RTL4: variants seen among roughly 807,000 people sequenced by gnomAD.
The protein encoded by RTL4 is retrotransposon Gag-like protein 4.
Under a neutral mutation model 5.3 loss-of-function variants are expected in RTL4, and 4 were observed. The observed-to-expected ratio is 0.75, with a 90% confidence interval of 0.37 to 1.72. The LOEUF is 1.72. Among genes scored for constraint, RTL4 ranks in the 40% most tolerant of loss-of-function variants. The pLI is 0.04. For missense variants in RTL4, 260 were observed against 227.1 expected (o/e 1.14, Z -0.93); for synonymous variants, 98 against 87.3 (o/e 1.12, Z -0.68).
the RTL4 span, among the ~76,000 whole-genome samples, chrX:112,283,941 A>G: frequency 4.5e-5 from 5 of 110,295 alleles, no homozygotes; most frequent in African/African-American, 1.6e-4. Context: ...TCTAGCACCT[A>G]CGTAAAAAAG....
At chrX:112,235,509 A>G in the RTL4 span, among the ~76,000 whole-genome samples, 1 of 111,398 alleles carries the variant, frequency 9.0e-6, no homozygotes, top group African/African-American at 3.3e-5. Context: ...GCAGCACAGG[A>G]CTCTGACTAT....
chrX:112,253,074 A>G, the RTL4 span, among the ~76,000 whole-genome samples: 1 of 111,727 alleles, frequency 9.0e-6, no homozygotes, highest in Admixed American at 9.5e-5. Flanking sequence ...AACCATTTTT[A>G]AGACTTTCAG....
At chrX:112,289,689 A>C in the RTL4 span, among the ~76,000 whole-genome samples, 10 of 111,648 alleles carry the variant, frequency 9.0e-5, no homozygotes, top group East Asian at 1.1e-3. Context: ...GGCAAGAAAT[A>C]ATAGCTAATA....
chrX:112,197,306 A>C, the RTL4 span, among the ~76,000 whole-genome samples: 8 of 110,465 alleles, frequency 7.2e-5, no homozygotes, highest in African/African-American at 2.6e-4. Flanking sequence ...TGGAAGTCCA[A>C]GTTCCCCATC....
the RTL4 span, among the ~76,000 whole-genome samples, chrX:112,444,286 T>A: frequency 1.8e-5 from 2 of 111,812 alleles, no homozygotes; most frequent in Non-Finnish European, 3.8e-5. Context: ...TTCTCTATTC[T>A]GTTCCATTGG....
chrX:112,190,204 C>CTTTCTTT, the RTL4 span, among the ~76,000 whole-genome samples: 3 of 63,049 alleles, frequency 4.8e-5, no homozygotes, highest in African/African-American at 1.9e-4. Flanking sequence ...TTCTTTCTTT[C>CTTTCTTT]TTTTTTCTAT....
At chrX:112,298,368 G>C in the RTL4 span, among the ~76,000 whole-genome samples, 10 of 111,863 alleles carry the variant, frequency 8.9e-5, no homozygotes, top group Admixed American at 9.5e-4. Context: ...GAAAGAAAGA[G>C]AGACTACCTG....
chrX:112,311,566 C>G, the RTL4 span, among the ~76,000 whole-genome samples: 1 of 110,829 alleles, frequency 9.0e-6, no homozygotes, highest in Non-Finnish European at 1.9e-5. Context: ...GAGACTTTTT[C>G]CCTCCCTCCT....
At chrX:112,447,230 T>C in the RTL4 span, among the ~76,000 whole-genome samples, 1 of 111,994 alleles carries the variant, frequency 8.9e-6, no homozygotes. Flanking sequence ...GTTTCTCAGA[T>C]AGAAACTGGA....
At chrX:112,204,958 A>T in the RTL4 span, among the ~76,000 whole-genome samples, 12 of 111,945 alleles carry the variant, frequency 1.1e-4, no homozygotes, top group South Asian at 4.1e-3. Context: ...AACTTAAAAA[A>T]AAATAGTTTC....
At chrX:112,130,696 C>T in the RTL4 span, among the ~76,000 whole-genome samples, 1 of 109,598 alleles carries the variant, frequency 9.1e-6, no homozygotes, top group Admixed American at 9.7e-5. Flanking sequence ...ATTTAGAAGG[C>T]GTTTTTACTC....
At chrX:112,103,132 A>ATG in the RTL4 span, among the ~76,000 whole-genome samples, 4 of 111,980 alleles carry the variant, frequency 3.6e-5, no homozygotes, top group East Asian at 8.4e-4. Context: ...ATATGCACAC[A>ATG]TGTGTTCATT....
the RTL4 span, among the ~76,000 whole-genome samples, chrX:112,186,907 G>T: frequency 4.8e-4 from 54 of 112,214 alleles, no homozygotes; most frequent in African/African-American, 1.7e-3. Context: ...TTTGCCTTTT[G>T]ACTTATTGGT....
the RTL4 span, among the ~76,000 whole-genome samples, chrX:112,252,045 A>T: frequency 1.8e-5 from 2 of 111,481 alleles, no homozygotes; most frequent in Non-Finnish European, 3.8e-5. Context: ...GCTCTGGGGG[A>T]CGATTTGAGT....
the RTL4 span, among the ~76,000 whole-genome samples, chrX:112,191,929 GT>G: frequency 9.0e-6 from 1 of 111,112 alleles, no homozygotes; most frequent in Non-Finnish European, 1.9e-5. Flanking sequence ...TTTCAATAAT[GT>G]TTCATAGTTT....
chrX:112,336,614 T>C, the RTL4 span, among the ~76,000 whole-genome samples: 3 of 112,507 alleles, frequency 2.7e-5, no homozygotes, highest in Non-Finnish European at 3.7e-5. Flanking sequence ...CACAGATAAC[T>C]TTAAATTTAA....
At chrX:112,134,812 A>C in the RTL4 span, among the ~76,000 whole-genome samples, 2 of 111,516 alleles carry the variant, frequency 1.8e-5, no homozygotes, top group Non-Finnish European at 3.8e-5. Flanking sequence ...TATTATATGT[A>C]CTTTTTTTTG....
the RTL4 span, among the ~76,000 whole-genome samples, chrX:112,390,460 G>GA: frequency 9.3e-6 from 1 of 107,147 alleles, no homozygotes; most frequent in Non-Finnish European, 1.9e-5. Context: ...TCAAAAAAAA[G>GA]AAAAAAATAT....
the RTL4 span, among the ~76,000 whole-genome samples, chrX:112,329,455 C>T: frequency 9.0e-6 from 1 of 111,003 alleles, no homozygotes; most frequent in African/African-American, 3.3e-5. Context: ...CAAGACTAAA[C>T]CAGGAAGAAG....
Sources: gnomAD v4.1 joint callset for allele counts (sites outside exome capture counted in the v4.1 genomes callset) on GRCh38, gnomAD v4.1.1 for gene constraint, MANE v1.5 for transcripts, NCBI Gene and HGNC (gene_info 2026-07-23, HGNC 2026-07-21) for gene names.